PTPRD: variants seen among roughly 807,000 people sequenced by gnomAD.
PTPRD encodes receptor-type tyrosine-protein phosphatase delta.
A neutral mutation model predicts 214.5 loss-of-function variants in PTPRD; 34 were observed. That is an observed-to-expected ratio of 0.16 (90% CI 0.12 to 0.21). The LOEUF (loss-of-function observed/expected upper bound fraction) is 0.21. Ranked by LOEUF, PTPRD falls within the 10% of genes least tolerant of loss-of-function variation. PTPRD has a pLI of 1.00. For synonymous variants in PTPRD, 1,128 were observed against 845.7 expected, an observed-to-expected ratio of 1.33 and a Z score of -5.79; for missense variants, 2,545 against 2,398.7, an observed-to-expected ratio of 1.06 and a Z score of -1.27.
At chr9:10,279,337 C>G (rs80302082) in intron 3 of PTPRD, among the ~76,000 whole-genome samples, 1 of 152,166 alleles carries the variant, frequency 6.6e-6, no homozygotes, top group Non-Finnish European at 1.5e-5. Context: ...TTAGACATAA[C>G]AGTTTGGTGA....
At chr9:8,400,454 G>A (rs2092192852) in intron 36 of PTPRD, among the ~76,000 whole-genome samples, 1 of 152,160 alleles carries the variant, frequency 6.6e-6, no homozygotes, top group South Asian at 2.1e-4. Context: ...CTTGCCTCAG[G>A]TTAGTCATGC....
At chr9:10,220,344 T>C (rs1254790485) in intron 3 of PTPRD, among the ~76,000 whole-genome samples, 1 of 151,930 alleles carries the variant, frequency 6.6e-6, no homozygotes, top group Non-Finnish European at 1.5e-5. Flanking sequence ...AACTATTTGG[T>C]GAAATTATGC....
chr9:10,211,631 A>G (rs1594343514), intron 3 of PTPRD, among the ~76,000 whole-genome samples: 1 of 152,342 alleles, frequency 6.6e-6, no homozygotes, highest in East Asian at 1.9e-4. Flanking sequence ...AATAGAAATT[A>G]CATAATGTCT....
intron 10 of PTPRD, among the ~76,000 whole-genome samples, chr9:9,151,883 CA>C (rs2099877100): frequency 6.6e-6 from 1 of 152,156 alleles, no homozygotes; most frequent in South Asian, 2.1e-4. Context: ...CGTTAAGAAC[CA>C]GGAGGGTCTG....
chr9:8,822,776 C>A (rs1350807167), intron 11 of PTPRD, among the ~76,000 whole-genome samples: 1 of 152,128 alleles, frequency 6.6e-6, no homozygotes, highest in African/African-American at 2.4e-5. Flanking sequence ...GACAATGGAA[C>A]AGAACTGGAA....
At chr9:9,328,740 G>A (rs138678094) in intron 9 of PTPRD, among the ~76,000 whole-genome samples, 1 of 139,882 alleles carries the variant, frequency 7.1e-6, no homozygotes, top group African/African-American at 2.6e-5. Context: ...GGGTTCAAGA[G>A]ATTCTTGCAT....
At chr9:8,651,243 A>G (rs376857328) in intron 12 of PTPRD, among the ~76,000 whole-genome samples, 2 of 152,158 alleles carry the variant, frequency 1.3e-5, no homozygotes, top group East Asian at 1.9e-4. Context: ...GCATTTTCAC[A>G]CAGTGGCCCC....
intron 14 of PTPRD, among the ~76,000 whole-genome samples, chr9:8,551,662 G>T (rs1007744261): frequency 6.6e-6 from 1 of 152,174 alleles, no homozygotes; most frequent in African/African-American, 2.4e-5. Context: ...TCATGAAGGA[G>T]AACCATTAAT....
intron 5 of PTPRD, among the ~76,000 whole-genome samples, chr9:9,873,795 A>G (rs1029671794): frequency 1.3e-5 from 2 of 152,208 alleles, no homozygotes; most frequent in Non-Finnish European, 2.9e-5. Flanking sequence ...CCATAGCAGC[A>G]TAAGTTACAG....
intron 2 of PTPRD, among the ~76,000 whole-genome samples, chr9:10,433,457 A>G (rs1227795232): frequency 6.6e-6 from 1 of 151,914 alleles, no homozygotes; most frequent in Non-Finnish European, 1.5e-5. Flanking sequence ...TCATTGCTCA[A>G]TTTCTGATAG....
intron 2 of PTPRD, among the ~76,000 whole-genome samples, chr9:10,512,698 G>C (rs554821943): frequency 2.0e-5 from 3 of 152,244 alleles, no homozygotes; most frequent in Admixed American, 2.0e-4. Flanking sequence ...TGTGGGTGGA[G>C]AGTACAGGAC....
intron 7 of PTPRD, among the ~76,000 whole-genome samples, chr9:9,692,099 C>G (rs939480148): frequency 6.3e-5 from 6 of 95,980 alleles, no homozygotes; most frequent in African/African-American, 2.1e-4. Context: ...TTGATTGTTT[C>G]CTTTGATGTG....
At chr9:8,376,218 A>G (rs2083197492) in intron 38 of PTPRD, 128 bp from the exon 39 acceptor site, 4 of 1,079,042 alleles carry the variant, frequency 3.7e-6, no homozygotes, top group Non-Finnish European at 1.3e-6. Context: ...AGCCTTTGGG[A>G]AGACACACTC....
chr9:8,761,545 T>G (rs949003273), intron 11 of PTPRD, among the ~76,000 whole-genome samples: 1 of 151,976 alleles, frequency 6.6e-6, no homozygotes, highest in African/African-American at 2.4e-5. Context: ...AAACCCAGGG[T>G]TGCAGCACAG....
At position 8,315,591 on chromosome 9, in the gene PTPRD, G is replaced by GTCT; in HGVS notation, c.*2280_*2282dup. 1 of 230,530 alleles carries GTCT rather than the reference G, an allele frequency of 4.3e-6. No homozygotes were observed. The highest frequency in any genetic ancestry group is 8.6e-6 in the Non-Finnish European group (1 of 116,048). The allele number at this position is 230,530 out of a possible 1,614,324, so 14.3% of individuals were successfully genotyped here. ...CTCTGGTTCTGATGTAGGTTAGAGA[G>GTCT]TCTCATTCTGAGGTAGCCTTCTAGA... On this transcript the variant is annotated 3_prime_UTR_variant, in exon 46 of 46. Transcript: ENST00000381196.
chr9:8,629,949 C>T lies in PTPRD; in HGVS notation c.352+3368G>A, dbSNP rs756884295. ...ATTTGAAACAAGCTACGAAGGGAAA[C>T]TTGTTCCTGAAATGCTCCCTTCGAG... On this transcript the variant is annotated intron_variant, in intron 14 of 45. Coordinates refer to ENST00000381196, the MANE Select transcript of PTPRD (RefSeq NM_002839.4). Among the ~76,000 whole-genome samples the T allele has an allele frequency of 2.0e-5, 3 of 151,728 alleles. No homozygotes were observed. The South Asian group carries it at 6.2e-4, about 32-fold the overall frequency.
chr9:10,553,364 T>G (rs2131207762), intron 2 of PTPRD, among the ~76,000 whole-genome samples: 1 of 151,856 alleles, frequency 6.6e-6, no homozygotes, highest in Admixed American at 6.6e-5. Flanking sequence ...TTTTTTTACT[T>G]AAAGATGTAA....
chr9:10,192,438 G>T (rs562635278), intron 3 of PTPRD, among the ~76,000 whole-genome samples: 1 of 94,614 alleles, frequency 1.1e-5, no homozygotes, highest in Non-Finnish European at 1.8e-5. Context: ...GCAAGGTCAC[G>T]ATCCAGGAAA....
intron 11 of PTPRD, among the ~76,000 whole-genome samples, chr9:8,781,127 C>A (rs565708603): frequency 6.6e-6 from 1 of 152,256 alleles, no homozygotes; most frequent in South Asian, 2.1e-4. Context: ...AAAGATTCTG[C>A]AGTTTATGAC....
Sources: allele counts gnomAD v4.1 joint callset (sites outside exome capture counted in the v4.1 genomes callset), GRCh38; gene constraint gnomAD v4.1.1; transcripts MANE v1.5; gene names NCBI Gene and HGNC (gene_info 2026-07-23, HGNC 2026-07-21).